The following RAP1GDS1 variants were observed in gnomAD, a reference collection of about 807,000 sequenced individuals.
RAP1GDS1 encodes the protein RAP1, GTP-GDP dissociation stimulator 1.
A neutral mutation model predicts 71.1 loss-of-function variants in RAP1GDS1; 35 were observed. The observed-to-expected ratio is 0.49, with a 90% CI of 0.38 to 0.65. The LOEUF (loss-of-function observed/expected upper bound fraction) is 0.65, where lower values mean the gene tolerates loss of function less well. Among genes scored for constraint, RAP1GDS1 ranks in the 30% least tolerant of loss-of-function variants. RAP1GDS1 has a pLI of 0.00. For missense variants in RAP1GDS1, 663 were observed against 706.1 expected (o/e 0.94, Z 0.69); for synonymous variants, 229 against 243.1 (o/e 0.94, Z 0.54).
At chr4:98,432,084 C>A (rs984049497) in intron 12 of RAP1GDS1, among the ~76,000 whole-genome samples, 2 of 152,026 alleles carry the variant, frequency 1.3e-5, no homozygotes, top group Non-Finnish European at 2.9e-5. Flanking sequence ...CCTCCCCGCT[C>A]CCCCCATCCC....
At chr4:98,393,486 G>C (rs1053255689) in intron 6 of RAP1GDS1, among the ~76,000 whole-genome samples, 1 of 152,180 alleles carries the variant, frequency 6.6e-6, no homozygotes, top group Non-Finnish European at 1.5e-5. Flanking sequence ...AAAATGGAAT[G>C]TAGGAGTTTG....
chr4:98,367,260 G>T (rs1321990194), intron 4 of RAP1GDS1, among the ~76,000 whole-genome samples: 1 of 152,214 alleles, frequency 6.6e-6, no homozygotes, highest in Non-Finnish European at 1.5e-5. Context: ...CTTCTATGTG[G>T]TGTTGATCCT....
chr4:98,285,899 CATT>C lies in RAP1GDS1; in HGVS notation c.5-7506_5-7504del, dbSNP rs1399700182. Among the ~76,000 whole-genome samples the C allele has an allele frequency of 7.7e-4, 113 of 145,844 alleles. 1 individual carries two copies. Among genetic ancestry groups the C allele is most frequent in the Admixed American group, 4.0e-3 (59 of 14,580 alleles). ...TAAATAATAAATAATTGTAAATAAA[CATT>C]ATAAATTATTTATAATATTTATTTA... On this transcript the variant is annotated intron_variant, in intron 1 of 14. Transcript: ENST00000408927.
intron 1 of RAP1GDS1, among the ~76,000 whole-genome samples, chr4:98,268,596 G>A (rs1438316449): frequency 6.6e-6 from 1 of 151,802 alleles, no homozygotes; most frequent in Non-Finnish European, 1.5e-5. Flanking sequence ...AAAACTATTA[G>A]TCCTAATAAA....
chr4:98,312,894 C>A (rs1392867255), intron 2 of RAP1GDS1, among the ~76,000 whole-genome samples: 1 of 150,982 alleles, frequency 6.6e-6, no homozygotes, highest in Non-Finnish European at 1.5e-5. Flanking sequence ...ATGGGGAAAC[C>A]CCGTCTCTAG....
chr4:98,263,844 A>G (rs1380815878), intron 1 of RAP1GDS1, among the ~76,000 whole-genome samples: 1 of 152,208 alleles, frequency 6.6e-6, no homozygotes. Flanking sequence ...TAATTGTACC[A>G]TGCCTCCCAG....
At chr4:98,436,394 A>T (rs1247603708) in intron 13 of RAP1GDS1, among the ~76,000 whole-genome samples, 4 of 152,072 alleles carry the variant, frequency 2.6e-5, no homozygotes, top group African/African-American at 4.8e-5. Flanking sequence ...CTTTATCAAG[A>T]TGGTTTTAGC....
At chr4:98,432,669 T>C (rs544092526) in intron 12 of RAP1GDS1, among the ~76,000 whole-genome samples, 1 of 152,206 alleles carries the variant, frequency 6.6e-6, no homozygotes, top group East Asian at 1.9e-4. Flanking sequence ...TTTAAAAATA[T>C]TTTAGCAAAT....
chr4:98,410,652 G>GA (rs1386445680), intron 7 of RAP1GDS1, among the ~76,000 whole-genome samples: 11 of 152,188 alleles, frequency 7.2e-5, no homozygotes, highest in Middle Eastern at 3.4e-3. Context: ...TAATATAATG[G>GA]AAAAATATAG....
intron 3 of RAP1GDS1, 97 bp downstream of exon 3, chr4:98,343,358 A>G: frequency 1.4e-6 from 2 of 1,395,294 alleles, no homozygotes; most frequent in Non-Finnish European, 2.0e-6. Context: ...AATTTTGTAG[A>G]TTAGACATTT....
intron 4 of RAP1GDS1, among the ~76,000 whole-genome samples, chr4:98,369,962 G>A (rs1010205356): frequency 7.2e-5 from 11 of 152,168 alleles, no homozygotes; most frequent in African/African-American, 2.2e-4. Flanking sequence ...CTTGAAAGAC[G>A]TTCTGGAAAA....
chr4:98,276,642 A>G (rs930665717), intron 1 of RAP1GDS1, among the ~76,000 whole-genome samples: 2 of 152,156 alleles, frequency 1.3e-5, no homozygotes, highest in East Asian at 1.9e-4. Context: ...TGCTATAACA[A>G]AGACAGCAGC....
At chr4:98,282,576 AT>A (rs61020374) in intron 1 of RAP1GDS1, among the ~76,000 whole-genome samples, 2,783 of 133,490 alleles carry the variant, frequency 0.021, 54 homozygotes, top group African/African-American at 0.048. Context: ...GGATTCATTG[AT>A]TTTTTTTTTT....
intron 1 of RAP1GDS1, among the ~76,000 whole-genome samples, chr4:98,281,501 A>T (rs1725094699): frequency 6.6e-6 from 1 of 152,046 alleles, no homozygotes; most frequent in African/African-American, 2.4e-5. Context: ...GCTTAAGGAG[A>T]TTTTGGGCTG....
chr4:98,283,638 C>T (rs1725525203), intron 1 of RAP1GDS1, among the ~76,000 whole-genome samples: 1 of 152,048 alleles, frequency 6.6e-6, no homozygotes, highest in Non-Finnish European at 1.5e-5. Flanking sequence ...TTTACTTTTT[C>T]AGCCCCTAAT....
chr4:98,377,611 G>A (rs903257710), intron 4 of RAP1GDS1, among the ~76,000 whole-genome samples: 4 of 144,628 alleles, frequency 2.8e-5, no homozygotes, highest in African/African-American at 1.1e-4. Context: ...TAGTATTTCT[G>A]AGGTCTTACT....
In RAP1GDS1 at chr4:98,443,603, T is replaced by C. The variant is rs1752129011; in HGVS notation, c.*1486T>C. ...TCTGTGGATAATCTAAGTTGGACTT[T>C]TGACTCTAAAACAGCTATAATCCAA... On this transcript the variant is annotated 3_prime_UTR_variant, in exon 15 of 15. Transcript: ENST00000408927. 1 of 218,534 alleles carries C rather than the reference T, an allele frequency of 4.6e-6. No individual in the cohort carries two copies. Among genetic ancestry groups the C allele is most frequent in the African/African-American group, 2.2e-5 (1 of 44,528 alleles). 13.5% of individuals were successfully genotyped at this position (218,534 alleles called of 1,614,324 possible). A position where few individuals can be genotyped will look rare whatever the true frequency, so the allele number is the denominator to read the frequency against.
chr4:98,277,034 A>G (rs1215171260), intron 1 of RAP1GDS1, among the ~76,000 whole-genome samples: 1 of 152,130 alleles, frequency 6.6e-6, no homozygotes, highest in Non-Finnish European at 1.5e-5. Context: ...CAGGCCTAGA[A>G]TGTTGATCTC....
intron 5 of RAP1GDS1, among the ~76,000 whole-genome samples, chr4:98,391,626 AATGGT>A (rs1252269270): frequency 6.6e-6 from 1 of 152,134 alleles, no homozygotes; most frequent in Non-Finnish European, 1.5e-5. Flanking sequence ...CTCAAAAACT[AATGGT>A]AATGTTTGTT....
Sources: gnomAD v4.1 joint callset for allele counts (sites outside exome capture counted in the v4.1 genomes callset) on GRCh38, gnomAD v4.1.1 for gene constraint, MANE v1.5 for transcripts, NCBI Gene and HGNC (gene_info 2026-07-23, HGNC 2026-07-21) for gene names.